KIF26B: variants seen among roughly 807,000 people sequenced by gnomAD.
KIF26B encodes kinesin family member 26B.
Under a neutral mutation model 151.2 loss-of-function variants are expected in KIF26B, and 63 were observed. The ratio of observed to expected loss-of-function variants is 0.42; its 90% confidence interval spans 0.34 to 0.51. The LOEUF (loss-of-function observed/expected upper bound fraction) is 0.51. Ranked by LOEUF, KIF26B falls within the 20% of genes least tolerant of loss-of-function variation. The probability of loss-of-function intolerance (pLI) is 0.07; values close to 1 mark genes in which losing one functional copy is unlikely to be tolerated. For synonymous variants in KIF26B, 1,357 were observed against 1,262.1 expected, an observed-to-expected ratio of 1.08 and a Z score of -1.59; for missense variants, 2,813 against 2,913.6, an observed-to-expected ratio of 0.97 and a Z score of 0.79.
chr1:245,698,989 G>A lies in KIF26B; in HGVS notation c.6130G>A (p.Ala2044Thr). 1 of 1,614,050 alleles carries A rather than the reference G, an allele frequency of 6.2e-7. No individual in the cohort carries two copies. The highest frequency in any genetic ancestry group is 8.5e-7 in the Non-Finnish European group (1 of 1,179,894). ...CGAGTGGCTGATGAAGGAGCTGGAG[G>A]CGACCAAACAGTATCTGATGCTGGA... ...KYEWLMKELE[A>T]TKQYLMLDPN... The change falls in exon 14 of 15, where the codon GCG becomes ACG. Residue 2044 changes from alanine to threonine, a missense_variant. Around this residue, in one of 3 missense-constraint regions of KIF26B, gnomAD observed 2,060 missense variants for 2,088.6 expected, o/e 0.99. Coordinates refer to ENST00000407071, the MANE Select transcript of KIF26B (RefSeq NM_018012.4). The surrounding 1 kb of genome is among the most constrained non-coding windows in gnomAD (Gnocchi z 4.0).
chr1:245,223,495 G>A (rs973071185), intron 2 of KIF26B, among the ~76,000 whole-genome samples: 5 of 152,098 alleles, frequency 3.3e-5, no homozygotes, highest in Admixed American at 1.3e-4. Flanking sequence ...CCCTTAACTC[G>A]TCTCCAGTCA....
Position 245,630,826 on chromosome 1 carries a change from A to AT in KIF26B, c.2099-15288dup, listed in dbSNP as rs368215949. ...TTTTCATTTTTTTCTATGTTCTTCAATTTTTTTATCAGTATTTTGAAGTTT... is the reference window on the plus strand; with the variant it reads ...TTTTCATTTTTTTCTATGTTCTTCAATTTTTTTTATCAGTATTTTGAAGTTT... On this transcript the variant is annotated intron_variant, in intron 9 of 14. Coordinates refer to ENST00000407071, the MANE Select transcript of KIF26B (RefSeq NM_018012.4). 3.7e-3 allele frequency among the ~76,000 whole-genome samples: 556 copies of AT among 152,088 alleles called. 2 individuals carry two copies. The highest frequency in any genetic ancestry group is 0.011 in the African/African-American group (471 of 41,486).
At chr1:245,585,393 G>A (rs1176999667) in intron 5 of KIF26B, among the ~76,000 whole-genome samples, 5 of 152,302 alleles carry the variant, frequency 3.3e-5, no homozygotes, top group Middle Eastern at 3.4e-3. Flanking sequence ...TGCTGTTTCC[G>A]TTAGGAGACA....
chr1:245,609,178 T>C (rs2103151935), intron 7 of KIF26B, 88 bp from the exon 8 acceptor site: 1 of 1,270,412 alleles, frequency 7.9e-7, no homozygotes, highest in Non-Finnish European at 1.1e-6. Flanking sequence ...TGTGCCTTTC[T>C]TCTATATCCT....
intron 10 of KIF26B, among the ~76,000 whole-genome samples, chr1:245,662,742 T>C (rs60399936): frequency 0.072 from 4,808 of 66,950 alleles, 1,494 homozygotes; most frequent in East Asian, 0.13. Flanking sequence ...TATGCATATA[T>C]ACCCAATGAT....
intron 4 of KIF26B, among the ~76,000 whole-genome samples, chr1:245,435,052 TC>T (rs1658875502): frequency 1.8e-5 from 1 of 56,724 alleles, no homozygotes; most frequent in Non-Finnish European, 3.5e-5. Flanking sequence ...TCCATCCATC[TC>T]TCCATCCATC....
rs563973537 is a variant in KIF26B at position 245,573,026 on chromosome 1, C to A, written c.1351-29551C>A. On this transcript the variant is annotated intron_variant, in intron 5 of 14. Transcript: ENST00000407071. ...CCCAGAACCTGAGGAAGAATAAAACCTTTCTTGTCCAACTAAAACACACAC... is the reference window on the plus strand; with the variant it reads ...CCCAGAACCTGAGGAAGAATAAAACATTTCTTGTCCAACTAAAACACACAC... Among the ~76,000 whole-genome samples the A allele has an allele frequency of 3.6e-4, 55 of 152,238 alleles. 1 individual carries two copies. In the South Asian group the frequency reaches 0.011, roughly 31 times the overall value.
chr1:245,593,747 A>AAT (rs2043313592), intron 5 of KIF26B, among the ~76,000 whole-genome samples: 1 of 152,206 alleles, frequency 6.6e-6, no homozygotes, highest in Non-Finnish European at 1.5e-5. Flanking sequence ...GAATCACCAC[A>AAT]CTGTCTTCCA....
At chr1:245,465,055 T>A (rs1364454057) in intron 4 of KIF26B, among the ~76,000 whole-genome samples, 3 of 144,022 alleles carry the variant, frequency 2.1e-5, no homozygotes, top group African/African-American at 7.8e-5. Context: ...CTCGGCTCAC[T>A]GCAAGCTCCG....
At chr1:245,587,672 T>G (rs896485268) in intron 5 of KIF26B, among the ~76,000 whole-genome samples, 2 of 152,194 alleles carry the variant, frequency 1.3e-5, no homozygotes, top group Admixed American at 1.3e-4. Flanking sequence ...TAGGTTCACC[T>G]TGAAGGCAAG....
chr1:245,423,004 C>T (rs1658529155), intron 4 of KIF26B, among the ~76,000 whole-genome samples: 1 of 148,128 alleles, frequency 6.8e-6, no homozygotes, highest in Admixed American at 6.9e-5. Flanking sequence ...GAGGCTAAGA[C>T]ATGAGAATCA....
intron 2 of KIF26B, among the ~76,000 whole-genome samples, chr1:245,165,584 T>C (rs976555849): frequency 1.3e-5 from 2 of 151,876 alleles, no homozygotes; most frequent in African/African-American, 4.8e-5. Context: ...TCCACAGATG[T>C]GTGGGGTGAG....
At chr1:245,400,494 T>TG (rs1416794292) in intron 3 of KIF26B, among the ~76,000 whole-genome samples, 1 of 150,900 alleles carries the variant, frequency 6.6e-6, no homozygotes, top group East Asian at 1.9e-4. Context: ...GTGAGTTTTT[T>TG]TTTTTTTTTT....
intron 9 of KIF26B, among the ~76,000 whole-genome samples, chr1:245,628,294 C>G (rs2043745436): frequency 1.3e-5 from 2 of 152,130 alleles, no homozygotes; most frequent in African/African-American, 2.4e-5. Flanking sequence ...ACCAGCCTGC[C>G]AACATGGCAA....
At chr1:245,221,816 A>C (rs1414090308) in intron 2 of KIF26B, among the ~76,000 whole-genome samples, 1 of 152,228 alleles carries the variant, frequency 6.6e-6, no homozygotes, top group East Asian at 1.9e-4. Context: ...TTTGAAGTAA[A>C]ATTTTAAATG....
intron 4 of KIF26B, among the ~76,000 whole-genome samples, chr1:245,474,483 C>G (rs1395999333): frequency 6.7e-6 from 1 of 149,324 alleles, no homozygotes; most frequent in Non-Finnish European, 1.5e-5. Flanking sequence ...GCGATCTTGG[C>G]TCACTGCAAC....
intron 5 of KIF26B, among the ~76,000 whole-genome samples, chr1:245,562,751 A>G (rs1394938224): frequency 1.3e-5 from 2 of 152,096 alleles, no homozygotes; most frequent in Non-Finnish European, 2.9e-5. Flanking sequence ...TCTGTCACCC[A>G]GGCTGGAGGG....
At chr1:245,175,435 T>C (rs1290097724) in intron 2 of KIF26B, among the ~76,000 whole-genome samples, 3 of 152,004 alleles carry the variant, frequency 2.0e-5, no homozygotes, top group African/African-American at 7.3e-5. Context: ...TCAGGTAAGG[T>C]GGAGACGAGA....
At chr1:245,322,269 C>T (rs936946539) in intron 2 of KIF26B, among the ~76,000 whole-genome samples, 2 of 152,056 alleles carry the variant, frequency 1.3e-5, no homozygotes, top group African/African-American at 4.8e-5. Flanking sequence ...ATACCTAATG[C>T]ATGCGGGGCT....
Sources: allele counts gnomAD v4.1 joint callset (sites outside exome capture counted in the v4.1 genomes callset), GRCh38; gene constraint gnomAD v4.1.1; regional missense constraint gnomAD v4.1.1; non-coding constraint Gnocchi (gnomAD v3.1); transcripts MANE v1.5; gene names NCBI Gene and HGNC (gene_info 2026-07-23, HGNC 2026-07-21).